Variants in THRAP3 observed in about 807,000 individuals in gnomAD.
The protein encoded by THRAP3 is thyroid hormone receptor-associated protein 3.
A neutral mutation model predicts 101.0 loss-of-function variants in THRAP3; 16 were observed. That is an observed-to-expected ratio of 0.16 (90% CI 0.11 to 0.24). The LOEUF (loss-of-function observed/expected upper bound fraction) is 0.24. Ranked by LOEUF, THRAP3 falls within the 10% of genes least tolerant of loss-of-function variation. The pLI is 1.00. For missense variants in THRAP3, 989 were observed against 1,202.7 expected (o/e 0.82, Z 2.63); for synonymous variants, 407 against 422.6 (o/e 0.96, Z 0.45).
intron 2 of THRAP3, among the ~76,000 whole-genome samples, chr1:36,263,511 T>C (rs1645474464): frequency 1.3e-5 from 2 of 152,192 alleles, no homozygotes; most frequent in Non-Finnish European, 2.9e-5. Context: ...TTAGTTAATA[T>C]AGATTATAGT....
At chr1:36,290,350 C>T (rs1336374953) in intron 5 of THRAP3, among the ~76,000 whole-genome samples, 1 of 151,984 alleles carries the variant, frequency 6.6e-6, no homozygotes, top group Non-Finnish European at 1.5e-5. Context: ...CCTCCACGCC[C>T]AGCTAATTTC....
intron 1 of THRAP3, among the ~76,000 whole-genome samples, chr1:36,235,966 G>A (rs570526608): frequency 1.3e-5 from 2 of 151,886 alleles, no homozygotes; most frequent in African/African-American, 2.4e-5. Flanking sequence ...CCTTTATGTC[G>A]GACTGGGCGT....
intron 2 of THRAP3, among the ~76,000 whole-genome samples, chr1:36,260,628 C>G (rs1291733634): frequency 1.3e-5 from 2 of 151,920 alleles, no homozygotes. Context: ...CGAGACCATC[C>G]TGGCTAACAC....
chr1:36,249,427 G>A (rs984828072), intron 1 of THRAP3, among the ~76,000 whole-genome samples: 9 of 151,396 alleles, frequency 5.9e-5, no homozygotes, highest in Admixed American at 2.0e-4. Context: ...TCCTGACCTC[G>A]TGATCCACCT....
chr1:36,293,276 G>T (rs1221420529), intron 7 of THRAP3, among the ~76,000 whole-genome samples: 7 of 152,164 alleles, frequency 4.6e-5, no homozygotes, highest in East Asian at 1.9e-4. Flanking sequence ...TGACCTGCCC[G>T]CCTCAGCCTC....
At chr1:36,277,491 C>T (rs959090720) in intron 2 of THRAP3, among the ~76,000 whole-genome samples, 10 of 151,996 alleles carry the variant, frequency 6.6e-5, no homozygotes, top group African/African-American at 2.4e-4. Context: ...TGAACCACCA[C>T]GCCTGGCTCA....
intron 1 of THRAP3, among the ~76,000 whole-genome samples, chr1:36,251,154 A>T (rs1248657635): frequency 6.6e-6 from 1 of 152,166 alleles, no homozygotes; most frequent in Non-Finnish European, 1.5e-5. Flanking sequence ...ACCTGCCCTC[A>T]AGGAGTAGTT....
At chr1:36,236,245 A>G (rs1420609857) in intron 1 of THRAP3, among the ~76,000 whole-genome samples, 2 of 50,956 alleles carry the variant, frequency 3.9e-5, no homozygotes, top group Non-Finnish European at 6.4e-5. Flanking sequence ...AAAAACCTTC[A>G]TGACAGACTG....
chr1:36,286,763 A>G lies in THRAP3; in HGVS notation c.533A>G (p.Lys178Arg). 1 of 1,614,220 alleles carries G rather than the reference A, an allele frequency of 6.2e-7. No homozygotes were observed. Among genetic ancestry groups the G allele is most frequent in the Non-Finnish European group, 8.5e-7 (1 of 1,180,028 alleles). ...RVESSKRKSA[K>R]EKKSSSKDSR... ...GAATCTTCTAAGCGCAAGTCTGCAA[A>G]GGAGAAAAAGTCCTCTTCTAAGGAT... Residue 178 changes from lysine to arginine, a missense_variant, in exon 4 of 12, where the codon AAG (lysine) becomes AGG (arginine). Physicochemically the swap from Lys to Arg is conservative, Grantham distance 26. Coordinates refer to ENST00000354618, the MANE Select transcript of THRAP3 (RefSeq NM_005119.4). This position sits in a 1 kb window ranked among gnomAD's most constrained non-coding sequence, Gnocchi z 5.5.
upstream of THRAP3, among the ~76,000 whole-genome samples, chr1:36,223,500 G>C (rs186456748): frequency 1.4e-4 from 22 of 152,348 alleles, no homozygotes; most frequent in East Asian, 1.7e-3. Flanking sequence ...CACAGGCATA[G>C]GGAGGAGCTA....
At chr1:36,291,332 T>C in intron 5 of THRAP3, 42 bp from the exon 6 acceptor site, 1 of 1,583,182 alleles carries the variant, frequency 6.3e-7, no homozygotes, top group South Asian at 1.1e-5. Flanking sequence ...GTTCTTCCTG[T>C]GTATTGTGTT....
chr1:36,300,904 A>G lies in THRAP3; in HGVS notation c.2322A>G (p.Arg774=), dbSNP rs747188981. The change falls in exon 10 of 12, where the codon AGA becomes AGG. Residue 774 remains arginine, a synonymous_variant. Coordinates refer to ENST00000354618, the MANE Select transcript of THRAP3 (RefSeq NM_005119.4). ...SKKQKKHRRA[R]DRSRSSSSSS... is the part of the protein sequence containing the mutation. ...TTCACAGGAAGCATCGGAGAGCAAGAGACAGGTCCAGATCCTCCTCCTCTT... is the reference window on the plus strand; with the variant it reads ...TTCACAGGAAGCATCGGAGAGCAAGGGACAGGTCCAGATCCTCCTCCTCTT... 54 of 1,613,418 alleles carry G rather than the reference A, an allele frequency of 3.3e-5. No individual in the cohort carries two copies. Among genetic ancestry groups the G allele is most frequent in the East Asian group, 8.9e-5 (4 of 44,884 alleles).
chr1:36,303,065 C>T (rs960022888), intron 11 of THRAP3, among the ~76,000 whole-genome samples: 1 of 151,156 alleles, frequency 6.6e-6, no homozygotes, highest in Non-Finnish European at 1.5e-5. Flanking sequence ...CCTGCGTCAG[C>T]TTCCTGAGTA....
intron 1 of THRAP3, among the ~76,000 whole-genome samples, chr1:36,248,959 G>A (rs1645264846): frequency 6.6e-6 from 1 of 151,536 alleles, no homozygotes; most frequent in Non-Finnish European, 1.5e-5. Context: ...GAGTGCAGTG[G>A]CGTGATCCTC....
At chr1:36,233,979 A>G (rs961903665) in intron 1 of THRAP3, among the ~76,000 whole-genome samples, 1 of 151,992 alleles carries the variant, frequency 6.6e-6, no homozygotes, top group Non-Finnish European at 1.5e-5. Context: ...ATTTTGAGAT[A>G]GGGTCTTGTT....
chr1:36,283,049 A>G (rs1268646432), intron 3 of THRAP3, among the ~76,000 whole-genome samples: 2 of 152,252 alleles, frequency 1.3e-5, no homozygotes, highest in Admixed American at 6.5e-5. Flanking sequence ...GTTTATGTGC[A>G]TCACTGCAAA....
chr1:36,209,396 G>C, the THRAP3 span, among the ~76,000 whole-genome samples: 5 of 152,148 alleles, frequency 3.3e-5, no homozygotes, highest in African/African-American at 1.2e-4. Flanking sequence ...CGTTGTGAGG[G>C]ATTTGTCTTG....
intron 2 of THRAP3, among the ~76,000 whole-genome samples, chr1:36,264,603 A>G (rs901099676): frequency 1.1e-4 from 17 of 152,296 alleles, no homozygotes; most frequent in African/African-American, 3.6e-4. Flanking sequence ...ACACTGTATT[A>G]TGGACATATG....
rs1553192390 is a variant in THRAP3 at position 36,241,432 on chromosome 1, C to CAT, written c.-135+16933_-135+16934dup. On this transcript the variant is annotated intron_variant, in intron 1 of 11. Coordinates refer to ENST00000354618, the MANE Select transcript of THRAP3 (RefSeq NM_005119.4). ...ATATATATATATATATATATATACACATATATAAATAAATATATATTCTTA... is the reference window on the plus strand; with the variant it reads ...ATATATATATATATATATATATACACATATATATAAATAAATATATATTCTTA... Among the ~76,000 whole-genome samples the CAT allele has an allele frequency of 1.6e-3, 222 of 135,704 alleles. 4 individuals carry two copies. The highest frequency in any genetic ancestry group is 6.5e-3 in the African/African-American group (215 of 32,992). 89.0% of individuals were successfully genotyped at this position (135,704 alleles called of 152,430 possible).
Sources: gnomAD v4.1 joint callset for allele counts (sites outside exome capture counted in the v4.1 genomes callset) on GRCh38, gnomAD v4.1.1 for gene constraint, Gnocchi (gnomAD v3.1) non-coding constraint, MANE v1.5 for transcripts, NCBI Gene and HGNC (gene_info 2026-07-23, HGNC 2026-07-21) for gene names.